Variants in CMKLR2 observed in about 807,000 individuals in gnomAD.
The protein encoded by CMKLR2 is chemerin chemokine-like receptor 2.
A neutral mutation model predicts 23.0 loss-of-function variants in CMKLR2; 18 were observed. That is an observed-to-expected ratio of 0.78 (90% confidence interval 0.54 to 1.16). CMKLR2 has a LOEUF of 1.16. CMKLR2 is among the 50% of genes most tolerant of loss of function. The pLI, the probability that CMKLR2 is intolerant of heterozygous loss-of-function variation, is 0.00. For synonymous variants in CMKLR2, 158 were observed against 158.9 expected (o/e 0.99, Z 0.05); for missense variants, 401 against 412.7 (o/e 0.97, Z 0.25).
upstream of CMKLR2, among the ~76,000 whole-genome samples, chr2:206,214,113 CA>C (rs996215176): frequency 2.0e-5 from 3 of 150,340 alleles, no homozygotes; most frequent in Admixed American, 1.3e-4. Context: ...CTCAGTCTCC[CA>C]AAGTGCTGGG....
chr2:206,212,688 C>T (rs1022796692), intron 1 of CMKLR2, among the ~76,000 whole-genome samples: 1 of 152,158 alleles, frequency 6.6e-6, no homozygotes, highest in Non-Finnish European at 1.5e-5. Context: ...AGCCCAGATA[C>T]CAATTATTCT....
At chr2:206,191,988 A>C (rs1434191693) in intron 1 of CMKLR2, among the ~76,000 whole-genome samples, 1 of 151,302 alleles carries the variant, frequency 6.6e-6, no homozygotes, top group Non-Finnish European at 1.5e-5. Context: ...TTACAGGCGC[A>C]CACCACCACA....
At chr2:206,190,307 A>G (rs1408480210) in intron 1 of CMKLR2, among the ~76,000 whole-genome samples, 2 of 152,222 alleles carry the variant, frequency 1.3e-5, no homozygotes, top group Non-Finnish European at 2.9e-5. Flanking sequence ...TGTCATGCTT[A>G]AGGGTTTGGA....
chr2:206,177,353 G>C, intron 1 of CMKLR2, 78 bp from the exon 2 acceptor site: 1 of 682,140 alleles, frequency 1.5e-6, no homozygotes, highest in Non-Finnish European at 2.5e-6. Flanking sequence ...GGAACGTGAA[G>C]ATAAAAATAT....
rs1472154322 is a variant in CMKLR2, at chr2:206,175,356, A to G, written c.*824T>C. 6.6e-6 allele frequency: 1 copy of G among 152,258 alleles called. No individual in the cohort carries two copies. Among genetic ancestry groups the G allele is most frequent in the East Asian group, 1.9e-4 (1 of 5,204 alleles). The allele number at this position is 152,258 out of a possible 1,614,324, so 9.4% of individuals were successfully genotyped here. A position where few individuals can be genotyped will look rare whatever the true frequency, so the allele number is the denominator to read the frequency against. On this transcript the variant is annotated 3_prime_UTR_variant, in exon 2 of 2. Transcript: ENST00000621141. ...CAATTACTTTAATTCATAAATGTATATACATAGATTACATAAAGAAATTAA... is the reference window on the plus strand; with the variant it reads ...CAATTACTTTAATTCATAAATGTATGTACATAGATTACATAAAGAAATTAA...
chr2:206,204,652 G>A (rs931820611), intron 1 of CMKLR2, among the ~76,000 whole-genome samples: 3 of 151,884 alleles, frequency 2.0e-5, no homozygotes, highest in African/African-American at 4.8e-5. Flanking sequence ...TCAACCTCCC[G>A]GGTTCAAGCA....
intron 1 of CMKLR2, among the ~76,000 whole-genome samples, chr2:206,187,282 CT>C (rs1688610619): frequency 6.6e-6 from 1 of 151,956 alleles, no homozygotes; most frequent in African/African-American, 2.4e-5. Flanking sequence ...GAGACTCCAT[CT>C]CAAAAAATAA....
intron 1 of CMKLR2, among the ~76,000 whole-genome samples, chr2:206,177,480 CT>C (rs1429460627): frequency 6.6e-6 from 1 of 152,006 alleles, no homozygotes; most frequent in African/African-American, 2.4e-5. Context: ...CCTTGACCTC[CT>C]AGGCTCAAGT....
chr2:206,206,978 G>C (rs1689348576), intron 1 of CMKLR2, among the ~76,000 whole-genome samples: 1 of 136,634 alleles, frequency 7.3e-6, no homozygotes, highest in African/African-American at 2.8e-5. Context: ...AGAAAAGCCA[G>C]CCTCACTCCT....
At position 206,206,917 on chromosome 2, in the gene CMKLR2, C is replaced by CTTTTTTTT. The variant is rs66681603; in HGVS notation, c.-29+6382_-29+6389dup. Among the ~76,000 whole-genome samples, 5 of 126,154 alleles carry CTTTTTTTT rather than the reference C, an allele frequency of 4.0e-5. 1 individual carries two copies. The highest frequency in any genetic ancestry group is 6.0e-5 in the African/African-American group (2 of 33,286). 82.8% of individuals were successfully genotyped at this position (126,154 alleles called of 152,430 possible). On this transcript the variant is annotated intron_variant, in intron 1 of 1. Coordinates refer to ENST00000621141, the MANE Select transcript of CMKLR2 (RefSeq NM_001389445.1). ...AGTTCCTGTTTCAGTCCCCCTGCCC[C>CTTTTTTTT]TTTTTTTTTTTTTTTTTTAATCAAA...
At chr2:206,209,625 C>T (rs1689464526) in intron 1 of CMKLR2, among the ~76,000 whole-genome samples, 1 of 148,602 alleles carries the variant, frequency 6.7e-6, no homozygotes, top group Admixed American at 6.9e-5. Context: ...GAGAACATGC[C>T]GTGTTTGGTT....
At chr2:206,207,669 G>T (rs1689378393) in intron 1 of CMKLR2, among the ~76,000 whole-genome samples, 1 of 141,178 alleles carries the variant, frequency 7.1e-6, no homozygotes, top group African/African-American at 2.7e-5. Flanking sequence ...GAGAGCTTTG[G>T]CACTTAGCAA....
chr2:206,195,898 G>C (rs1485202883), intron 1 of CMKLR2, among the ~76,000 whole-genome samples: 2 of 149,836 alleles, frequency 1.3e-5, no homozygotes, highest in Non-Finnish European at 1.5e-5. Context: ...AGGTTGCAGT[G>C]AGCCGAGATC....
chr2:206,199,150 A>T (rs1236859988), intron 1 of CMKLR2, among the ~76,000 whole-genome samples: 1 of 152,214 alleles, frequency 6.6e-6, no homozygotes, highest in Non-Finnish European at 1.5e-5. Context: ...TAATCCCAGC[A>T]CTTTGGGAGG....
At position 206,176,972 on chromosome 2, in the gene CMKLR2, CA is replaced by C; in HGVS notation, c.275del (p.Leu92ArgfsTer8). ...AATTCATGGCCACATAGGAGATGTA[CA>C]GGGGCAGAAAGAGAAGAAAAATGAA... ...ADFIFLLFLPLYISYVAMNFH... is the reference protein window; with the variant it reads ...ADFIFLLFLPXYISYVAMNFH... On this transcript the variant is annotated frameshift_variant, in exon 2 of 2. Coordinates refer to ENST00000621141, the MANE Select transcript of CMKLR2 (RefSeq NM_001389445.1). LOFTEE classifies it high-confidence loss of function. The C allele has an allele frequency of 6.2e-7, 1 of 1,614,204 alleles. No individual in the cohort carries two copies. Among genetic ancestry groups the C allele is most frequent in the African/African-American group, 1.3e-5 (1 of 75,044 alleles).
chr2:206,215,774 A>G (rs970812516), upstream of CMKLR2, among the ~76,000 whole-genome samples: 1 of 152,198 alleles, frequency 6.6e-6, no homozygotes, highest in Admixed American at 6.5e-5. Flanking sequence ...TGTACTAGAG[A>G]TAAGCCACCT....
In CMKLR2 at chr2:206,206,584, C is replaced by G. The variant is rs75718591; in HGVS notation, c.-29+6723G>C. ...CTGCCTCCAAAAACCTATGCCCTAGCCTAAATCAGGGCCCCTGCTCTAAGC... is the reference window on the plus strand; with the variant it reads ...CTGCCTCCAAAAACCTATGCCCTAGGCTAAATCAGGGCCCCTGCTCTAAGC... On this transcript the variant is annotated intron_variant, in intron 1 of 1. Coordinates refer to ENST00000621141, the MANE Select transcript of CMKLR2 (RefSeq NM_001389445.1). Among the ~76,000 whole-genome samples the G allele has an allele frequency of 5.3e-3, 809 of 152,324 alleles. 8 individuals are homozygous for G. Among genetic ancestry groups the G allele is most frequent in the African/African-American group, 0.019 (773 of 41,578 alleles).
intron 1 of CMKLR2, among the ~76,000 whole-genome samples, chr2:206,198,418 T>C (rs17222948): frequency 0.085 from 12,864 of 152,156 alleles, 695 homozygotes; most frequent in Admixed American, 0.19. Context: ...ACAGGTGACA[T>C]CTAATTCTAA....
intron 1 of CMKLR2, among the ~76,000 whole-genome samples, chr2:206,199,602 T>C (rs1373772961): frequency 6.6e-6 from 1 of 151,936 alleles, no homozygotes; most frequent in Non-Finnish European, 1.5e-5. Flanking sequence ...CATTTTTTTT[T>C]TTTTCCCCCG....
Sources: gnomAD v4.1 joint callset for allele counts (sites outside exome capture counted in the v4.1 genomes callset) on GRCh38, gnomAD v4.1.1 for gene constraint, MANE v1.5 for transcripts, NCBI Gene and HGNC (gene_info 2026-07-23, HGNC 2026-07-21) for gene names.